The following CNTNAP5 variants were observed in gnomAD, a reference collection of about 807,000 sequenced individuals.
CNTNAP5 encodes the protein contactin associated protein family member 5, also known as contactin-associated protein-like 5.
A neutral mutation model predicts 150.2 loss-of-function variants in CNTNAP5; 72 were observed. The observed-to-expected ratio is 0.48, with a 90% CI of 0.40 to 0.58. CNTNAP5 has a LOEUF of 0.58. CNTNAP5 is among the 20% of genes least tolerant of loss of function. CNTNAP5 has a pLI of 0.00. For synonymous variants in CNTNAP5, 672 were observed against 619.8 expected, an observed-to-expected ratio of 1.08 and a Z score of -1.25; for missense variants, 1,636 against 1,626.2, an observed-to-expected ratio of 1.01 and a Z score of -0.10.
At chr2:124,454,085 C>G (rs1693055610) in intron 6 of CNTNAP5, among the ~76,000 whole-genome samples, 1 of 152,124 alleles carries the variant, frequency 6.6e-6, no homozygotes, top group African/African-American at 2.4e-5. Flanking sequence ...CCTAAATGCT[C>G]CACTTAAAAG....
In CNTNAP5 at chr2:124,865,420, G is replaced by A. The variant is rs1677611395; in HGVS notation, c.3332G>A (p.Arg1111Lys). Residue 1111 changes from arginine (R) to lysine (K), a missense_variant, in exon 20 of 24, where the codon AGA becomes AAA. Coordinates refer to ENST00000682447, the MANE Select transcript of CNTNAP5 (RefSeq NM_001367498.1). Reference sequence around the variant, plus strand: ...CACTTGAAGATTAACCGAGAGGGAAGAGAGCTTACCATTCAGGTACCTTCC... The same window carrying A: ...CACTTGAAGATTAACCGAGAGGGAAAAGAGCTTACCATTCAGGTACCTTCC... The part of the protein sequence containing the change: ...MHHLKINREG[R>K]ELTIQMDQQL... The A allele has an allele frequency of 2.6e-6, 4 of 1,551,682 alleles. No homozygotes were observed. Among genetic ancestry groups the A allele is most frequent in the Middle Eastern group, 1.7e-4 (1 of 6,010 alleles).
chr2:124,540,544 A>G (rs1504006), intron 10 of CNTNAP5, among the ~76,000 whole-genome samples: 64,142 of 152,050 alleles, frequency 0.42, 14,084 homozygotes, highest in East Asian at 0.64. Context: ...CTTACTCTGT[A>G]CCAGGCACAT....
intron 19 of CNTNAP5, among the ~76,000 whole-genome samples, chr2:124,844,172 T>C (rs935882973): frequency 2.6e-5 from 4 of 152,140 alleles, no homozygotes; most frequent in African/African-American, 9.7e-5. Context: ...TGATCCATCT[T>C]GAGTTAATTT....
chr2:124,441,649 A>G (rs1264994739), intron 5 of CNTNAP5, among the ~76,000 whole-genome samples: 1 of 152,014 alleles, frequency 6.6e-6, no homozygotes, highest in Non-Finnish European at 1.5e-5. Flanking sequence ...ATTTAATATA[A>G]TACTTCATCT....
At chr2:124,756,935 A>G (rs928620378) in intron 14 of CNTNAP5, among the ~76,000 whole-genome samples, 1 of 152,200 alleles carries the variant, frequency 6.6e-6, no homozygotes, top group Non-Finnish European at 1.5e-5. Flanking sequence ...AAAGTTGGAA[A>G]TAAAAAGAAA....
intron 21 of CNTNAP5, among the ~76,000 whole-genome samples, chr2:124,876,312 T>C (rs918089965): frequency 2.0e-5 from 3 of 151,930 alleles, no homozygotes; most frequent in Non-Finnish European, 2.9e-5. Context: ...AGAGTGGAGA[T>C]AGTTCAGCGT....
At chr2:124,041,808 A>G (rs1681379169) in intron 1 of CNTNAP5, among the ~76,000 whole-genome samples, 1 of 152,164 alleles carries the variant, frequency 6.6e-6, no homozygotes, top group Non-Finnish European at 1.5e-5. Flanking sequence ...AAGGGTTGAG[A>G]GACTAGTTTA....
chr2:124,501,067 G>A (rs764607773), intron 7 of CNTNAP5, among the ~76,000 whole-genome samples: 1 of 152,088 alleles, frequency 6.6e-6, no homozygotes, highest in African/African-American at 2.4e-5. Flanking sequence ...ATAAGATATA[G>A]GGAGGAAAAA....
intron 11 of CNTNAP5, among the ~76,000 whole-genome samples, chr2:124,604,418 AAT>A (rs1468203427): frequency 1.3e-5 from 2 of 152,206 alleles, no homozygotes; most frequent in Non-Finnish European, 2.9e-5. Context: ...TTCAATATCA[AAT>A]ATGTTTAAAT....
chr2:124,055,264 T>C (rs1573721344), intron 1 of CNTNAP5, among the ~76,000 whole-genome samples: 2 of 152,286 alleles, frequency 1.3e-5, no homozygotes, highest in East Asian at 3.9e-4. Flanking sequence ...AAAGTCCAAC[T>C]TCTTCATCTG....
Position 124,798,362 on chromosome 2 carries a change from G to A in CNTNAP5, c.3217+42G>A, listed in dbSNP as rs201522316. ...GATACCCAGCGGAGTCTCAGCCTGG[G>A]CTGGAGGGACGGTGCATGCCCTCCA... On this transcript the variant is annotated intron_variant, in intron 19 of 23. Transcript: ENST00000682447. 39 of 1,434,128 alleles carry A rather than the reference G, an allele frequency of 2.7e-5. No homozygotes were observed. In the African/African-American group the frequency reaches 4.5e-4, roughly 17 times the overall value. The allele number at this position is 1,434,128 out of a possible 1,614,324, so 88.8% of individuals were successfully genotyped here.
At chr2:124,591,190 A>G (rs1696672626) in intron 11 of CNTNAP5, among the ~76,000 whole-genome samples, 2 of 152,172 alleles carry the variant, frequency 1.3e-5, no homozygotes, top group Admixed American at 1.3e-4. Context: ...TGTTTTTTCT[A>G]ATGGAGACAA....
intron 13 of CNTNAP5, among the ~76,000 whole-genome samples, chr2:124,675,039 C>T (rs1451987784): frequency 6.6e-6 from 1 of 152,058 alleles, no homozygotes; most frequent in Non-Finnish European, 1.5e-5. Context: ...TTATTTTTAA[C>T]ACAAGAGTGT....
intron 14 of CNTNAP5, among the ~76,000 whole-genome samples, chr2:124,759,800 C>T (rs1680919336): frequency 6.6e-6 from 1 of 151,912 alleles, no homozygotes; most frequent in African/African-American, 2.4e-5. Flanking sequence ...CCACCCACCC[C>T]TGTGTGGAGC....
chr2:124,121,483 A>G (rs1683560053), intron 1 of CNTNAP5, among the ~76,000 whole-genome samples: 1 of 152,196 alleles, frequency 6.6e-6, no homozygotes, highest in Non-Finnish European at 1.5e-5. Flanking sequence ...GTGGCGCTGC[A>G]GGAGAGACTG....
intron 6 of CNTNAP5, among the ~76,000 whole-genome samples, chr2:124,469,689 C>A: frequency 6.6e-6 from 1 of 152,008 alleles, no homozygotes; most frequent in Non-Finnish European, 1.5e-5. Context: ...AGGTATTAAG[C>A]CCAGCATCCA....
intron 5 of CNTNAP5, among the ~76,000 whole-genome samples, chr2:124,443,280 CAT>C (rs972024909): frequency 7.4e-5 from 11 of 148,692 alleles, no homozygotes; most frequent in African/African-American, 2.5e-4. Context: ...GTATATACAT[CAT>C]ATGTTATATT....
At chr2:124,811,889 T>G (rs889440571) in intron 19 of CNTNAP5, among the ~76,000 whole-genome samples, 1 of 141,052 alleles carries the variant, frequency 7.1e-6, no homozygotes, top group Non-Finnish European at 1.5e-5. Context: ...TTGCAGAGAG[T>G]CAAAATTGTG....
Position 124,916,480 on chromosome 2 carries a change from G to T in CNTNAP5, c.*2192G>T, listed in dbSNP as rs1678771640. ...GTCACCATGAAGTGTAGTAGGTTTAGCCTGAAGCAGCTCCAATAATGAAAT... is the reference window on the plus strand; with the variant it reads ...GTCACCATGAAGTGTAGTAGGTTTATCCTGAAGCAGCTCCAATAATGAAAT... On this transcript the variant is annotated 3_prime_UTR_variant, in exon 24 of 24. Coordinates refer to ENST00000682447, the MANE Select transcript of CNTNAP5 (RefSeq NM_001367498.1). Among the ~76,000 whole-genome samples, 6 of 152,006 alleles carry T rather than the reference G, an allele frequency of 3.9e-5. No individual in the cohort carries two copies. The South Asian group carries it at 1.2e-3, about 31-fold the overall frequency.
Sources: gnomAD v4.1 joint callset for allele counts (sites outside exome capture counted in the v4.1 genomes callset) on GRCh38, gnomAD v4.1.1 for gene constraint, MANE v1.5 for transcripts, NCBI Gene and HGNC (gene_info 2026-07-23, HGNC 2026-07-21) for gene names.